Variants in ROBO2 observed in about 807,000 individuals in gnomAD.
The protein encoded by ROBO2 is roundabout guidance receptor 2.
ROBO2 carries 53 observed loss-of-function variants against 160.8 expected under a neutral mutation model. The observed-to-expected ratio is 0.33, with a 90% CI of 0.26 to 0.41. The LOEUF is 0.41. Among genes scored for constraint, ROBO2 ranks in the 10% least tolerant of loss-of-function variants. The pLI is 1.00. For missense variants in ROBO2, 1,577 were observed against 1,722.4 expected (o/e 0.92, Z 1.49); for synonymous variants, 664 against 611.7 (o/e 1.09, Z -1.26).
At chr3:76,587,373 G>C (rs750539908) in intron 2 of ROBO2, among the ~76,000 whole-genome samples, 20 of 152,014 alleles carry the variant, frequency 1.3e-4, no homozygotes, top group Non-Finnish European at 2.5e-4. Flanking sequence ...CTTGAGACTG[G>C]GTAACTTATA....
chr3:77,128,119 A>C (rs1266229289), intron 2 of ROBO2, among the ~76,000 whole-genome samples: 2 of 152,144 alleles, frequency 1.3e-5, no homozygotes, highest in African/African-American at 2.4e-5. Context: ...CTTACTTCTC[A>C]TTTATTTAAG....
chr3:77,003,969 T>C (rs1349848993), intron 2 of ROBO2, among the ~76,000 whole-genome samples: 1 of 152,174 alleles, frequency 6.6e-6, no homozygotes, highest in Non-Finnish European at 1.5e-5. Context: ...ATTATGAACA[T>C]GGCAGTCTCA....
At chr3:77,042,494 C>T (rs1031645226) in intron 1 of ROBO2, among the ~76,000 whole-genome samples, 1 of 152,032 alleles carries the variant, frequency 6.6e-6, no homozygotes, top group South Asian at 2.1e-4. Flanking sequence ...TTTATATAAG[C>T]GTTTTTAAAT....
At chr3:77,226,338 G>A (rs542988072) in intron 2 of ROBO2, among the ~76,000 whole-genome samples, 12 of 151,316 alleles carry the variant, frequency 7.9e-5, no homozygotes, top group Non-Finnish European at 1.6e-4. Flanking sequence ...ATGAACACGA[G>A]AATACAGTTT....
At chr3:76,163,994 C>G (rs1374930292) in intron 2 of ROBO2, among the ~76,000 whole-genome samples, 3 of 152,136 alleles carry the variant, frequency 2.0e-5, no homozygotes, top group Non-Finnish European at 4.4e-5. Flanking sequence ...CAGCATTTTC[C>G]CCACAGTAGA....
intron 20 of ROBO2, among the ~76,000 whole-genome samples, chr3:77,603,339 A>T (rs1352521801): frequency 6.6e-6 from 1 of 152,212 alleles, no homozygotes; most frequent in East Asian, 1.9e-4. Context: ...AGAGAATTTT[A>T]TAATAAAAAG....
At chr3:76,753,981 A>T (rs1468965438) in intron 2 of ROBO2, among the ~76,000 whole-genome samples, 1 of 151,810 alleles carries the variant, frequency 6.6e-6, no homozygotes, top group African/African-American at 2.4e-5. Flanking sequence ...AATATATAAA[A>T]CCTATATAAA....
intron 8 of ROBO2, among the ~76,000 whole-genome samples, chr3:77,551,947 G>A (rs1226252975): frequency 1.3e-5 from 2 of 151,948 alleles, no homozygotes; most frequent in Non-Finnish European, 2.9e-5. Flanking sequence ...TCAGGAATGG[G>A]AATAAATAGA....
intron 3 of ROBO2, among the ~76,000 whole-genome samples, chr3:77,480,647 A>G (rs2084577593): frequency 6.6e-6 from 1 of 152,122 alleles, no homozygotes; most frequent in African/African-American, 2.4e-5. Context: ...TTGATTTACC[A>G]CTGTCTCTTA....
Position 76,693,485 on chromosome 3 carries a change from G to A in ROBO2, c.110-404529G>A, listed in dbSNP as rs201664565. ...ACATATATATGTATTGTGTGTGTGT[G>A]TATATATACATATATAGATGAAATT... On this transcript the variant is annotated intron_variant, in intron 2 of 26. Transcript: ENST00000487694. 2.4e-3 allele frequency among the ~76,000 whole-genome samples: 225 copies of A among 92,826 alleles called. 1 individual carries two copies. The highest frequency in any genetic ancestry group is 7.3e-3 in the African/African-American group (113 of 15,452). 60.9% of individuals were successfully genotyped at this position (92,826 alleles called of 152,430 possible). A position where few individuals can be genotyped will look rare whatever the true frequency, so the allele number is the denominator to read the frequency against.
chr3:77,074,059 G>T (rs923260430), intron 1 of ROBO2, among the ~76,000 whole-genome samples: 3 of 152,178 alleles, frequency 2.0e-5, no homozygotes, highest in Admixed American at 2.0e-4. Context: ...CATCCTGAAT[G>T]TACAAATGAA....
At chr3:77,419,323 A>C (rs751282513) in intron 2 of ROBO2, among the ~76,000 whole-genome samples, 13 of 152,146 alleles carry the variant, frequency 8.5e-5, no homozygotes, top group Non-Finnish European at 1.8e-4. Flanking sequence ...TCACATGTAT[A>C]TCTCATTTAA....
At chr3:77,367,654 T>C (rs2071104292) in intron 2 of ROBO2, among the ~76,000 whole-genome samples, 1 of 152,206 alleles carries the variant, frequency 6.6e-6, no homozygotes, top group African/African-American at 2.4e-5. Flanking sequence ...ACAGTAATTT[T>C]CCGTGGTTCT....
chr3:76,281,768 T>G (rs1708244159), intron 2 of ROBO2, among the ~76,000 whole-genome samples: 1 of 152,042 alleles, frequency 6.6e-6, no homozygotes, highest in African/African-American at 2.4e-5. Flanking sequence ...AGAGAGTCAC[T>G]TTATCTTAGC....
At chr3:77,172,962 T>C (rs570067377) in intron 2 of ROBO2, among the ~76,000 whole-genome samples, 2 of 152,296 alleles carry the variant, frequency 1.3e-5, no homozygotes, top group East Asian at 3.9e-4. Flanking sequence ...CAGATAAACA[T>C]TTGCAAGGCA....
intron 2 of ROBO2, among the ~76,000 whole-genome samples, chr3:76,082,678 C>T (rs1274529791): frequency 1.3e-5 from 2 of 152,068 alleles, no homozygotes; most frequent in Non-Finnish European, 2.9e-5. Context: ...CTTTAAATAA[C>T]AGTCGCTGCT....
chr3:75,979,927 A>T (rs2065231117), intron 2 of ROBO2, among the ~76,000 whole-genome samples: 1 of 151,540 alleles, frequency 6.6e-6, no homozygotes, highest in Admixed American at 6.6e-5. Context: ...AAGAAATTCC[A>T]TTTCCTAAAA....
At chr3:77,312,996 T>C (rs2063677440) in intron 2 of ROBO2, among the ~76,000 whole-genome samples, 1 of 152,224 alleles carries the variant, frequency 6.6e-6, no homozygotes, top group Admixed American at 6.5e-5. Context: ...CTTCATTTCT[T>C]AAAATTTCTA....
At chr3:76,470,944 A>C (rs1325388084) in intron 2 of ROBO2, among the ~76,000 whole-genome samples, 2 of 152,136 alleles carry the variant, frequency 1.3e-5, no homozygotes, top group African/African-American at 4.8e-5. Flanking sequence ...TATAGTAATA[A>C]TGTAGTTTTA....
Sources: allele counts gnomAD v4.1 joint callset (sites outside exome capture counted in the v4.1 genomes callset), GRCh38; gene constraint gnomAD v4.1.1; transcripts MANE v1.5; gene names NCBI Gene and HGNC (gene_info 2026-07-23, HGNC 2026-07-21).